Variants in LMO3 observed in about 807,000 individuals in gnomAD.
The protein encoded by LMO3 is LIM domain only 3.
LMO3 carries 2 observed loss-of-function variants against 15.8 expected under a neutral mutation model. That is an observed-to-expected ratio of 0.13 (90% confidence interval 0.05 to 0.40). The LOEUF (loss-of-function observed/expected upper bound fraction) is 0.40. Among genes scored for constraint, LMO3 ranks in the 10% least tolerant of loss-of-function variants. LMO3 has a pLI of 0.99. For synonymous variants in LMO3, 62 were observed against 63.8 expected, an observed-to-expected ratio of 0.97 and a Z score of 0.13; for missense variants, 86 against 182.2, an observed-to-expected ratio of 0.47 and a Z score of 3.04.
chr12:16,560,399 A>C lies in LMO3; in HGVS notation c.332+14T>G. The C allele has an allele frequency of 6.2e-7, 1 of 1,610,098 alleles. No individual in the cohort carries two copies. Among genetic ancestry groups the C allele is most frequent in the Non-Finnish European group, 8.5e-7 (1 of 1,178,522 alleles). Reference sequence around the variant, plus strand: ...GTTAACCATTTCTTAGAGACCAAAAAGAGACCTGCTTACCTCTGATTACAA... The same window carrying C: ...GTTAACCATTTCTTAGAGACCAAAACGAGACCTGCTTACCTCTGATTACAA... On this transcript the variant is annotated intron_variant, in intron 3 of 3. Transcript: ENST00000537304. The surrounding 1 kb of genome is among the most constrained non-coding windows in gnomAD (Gnocchi z 5.0).
chr12:16,551,554 G>T (rs1941989686), intron 3 of LMO3, among the ~76,000 whole-genome samples: 1 of 148,844 alleles, frequency 6.7e-6, no homozygotes, highest in Non-Finnish European at 1.5e-5. Flanking sequence ...AAATTCTAAG[G>T]ATATTGAGAT....
At chr12:16,583,620 T>C (rs895736192) in intron 2 of LMO3, among the ~76,000 whole-genome samples, 3 of 152,212 alleles carry the variant, frequency 2.0e-5, no homozygotes, top group African/African-American at 7.2e-5. Flanking sequence ...TGTAAGAGGC[T>C]GATTTATATC....
intron 3 of LMO3, among the ~76,000 whole-genome samples, chr12:16,558,017 T>C (rs1942257425): frequency 6.6e-6 from 1 of 152,028 alleles, no homozygotes; most frequent in East Asian, 1.9e-4. Context: ...ATAGAAGACA[T>C]ATGTGAAGCT....
intron 2 of LMO3, chr12:16,594,118 T>G: frequency 1.3e-6 from 2 of 1,531,520 alleles, no homozygotes; most frequent in Non-Finnish European, 1.7e-6. Flanking sequence ...GTTTGAATTT[T>G]ACAAGTTTTA....
intron 2 of LMO3, chr12:16,594,059 T>C (rs956781757): frequency 7.6e-7 from 1 of 1,317,496 alleles, no homozygotes; most frequent in Non-Finnish European, 1.0e-6. Context: ...CCTGTAAGAA[T>C]AGATGAGTGC....
intron 2 of LMO3, among the ~76,000 whole-genome samples, chr12:16,579,048 C>A (rs1943081466): frequency 6.6e-6 from 1 of 152,024 alleles, no homozygotes; most frequent in Non-Finnish European, 1.5e-5. Context: ...AATAGGTGAC[C>A]TTTTCCAACC....
In LMO3 at chr12:16,605,436, G is replaced by GCCCCCCCCC. The variant is rs56405071; in HGVS notation, c.-9+621_-9+629dup. The GCCCCCCCCC allele has an allele frequency of 3.7e-4, 139 of 372,654 alleles. 5 individuals are homozygous for GCCCCCCCCC. The highest frequency in any genetic ancestry group is 1.9e-3 in the Admixed American group (15 of 7,784). 23.1% of individuals were successfully genotyped at this position (372,654 alleles called of 1,614,324 possible). A position where few individuals can be genotyped will look rare whatever the true frequency, so the allele number is the denominator to read the frequency against. On this transcript the variant is annotated intron_variant, in intron 1 of 3. Coordinates refer to ENST00000537304, the MANE Select transcript of LMO3 (RefSeq NM_018640.5). Reference sequence around the variant, plus strand: ...TAGCCACTTCTGCCCCTACCCGCCTGCCCCCCCCCCCCGCCCCCATGCCCA... The same window carrying GCCCCCCCCC: ...TAGCCACTTCTGCCCCTACCCGCCTGCCCCCCCCCCCCCCCCCCCCCGCCCCCATGCCCA...
chr12:16,557,215 T>C (rs117043987), intron 3 of LMO3, among the ~76,000 whole-genome samples: 1 of 152,248 alleles, frequency 6.6e-6, no homozygotes, highest in Non-Finnish European at 1.5e-5. Context: ...ATGGATAAAA[T>C]AGGTAACCCT....
intron 2 of LMO3, among the ~76,000 whole-genome samples, chr12:16,578,857 C>A (rs1013713998): frequency 2.1e-5 from 3 of 145,854 alleles, no homozygotes; most frequent in Non-Finnish European, 3.0e-5. Context: ...ACAACAACAA[C>A]AAAACATTAA....
chr12:16,578,678 T>G (rs1258293007), intron 2 of LMO3, among the ~76,000 whole-genome samples: 1 of 151,796 alleles, frequency 6.6e-6, no homozygotes. Flanking sequence ...ATTAGCCAGG[T>G]GTGGTGGTGC....
In LMO3 at chr12:16,560,262, G is replaced by T; in HGVS notation, c.332+151C>A. On this transcript the variant is annotated intron_variant, in intron 3 of 3. Coordinates refer to ENST00000537304, the MANE Select transcript of LMO3 (RefSeq NM_018640.5). The surrounding 1 kb of genome is among the most constrained non-coding windows in gnomAD (Gnocchi z 5.0). ...CTTAAGACCTTTCTTCTCCTTAGTA[G>T]CTTGTCTCTGGCATGGGATTAAAGT... 1 of 735,218 alleles carries T rather than the reference G, an allele frequency of 1.4e-6. No individual in the cohort carries two copies. Among genetic ancestry groups the T allele is most frequent in the Non-Finnish European group, 2.1e-6 (1 of 485,986 alleles). 45.5% of individuals were successfully genotyped at this position (735,218 alleles called of 1,614,324 possible).
chr12:16,548,643 T>A lies in LMO3; in HGVS notation c.*2579A>T, dbSNP rs543188751. ...GCATCAGACAACAAGCTAAATGACG[T>A]TAGGGCTACACAACACAAAGGGGAA... On this transcript the variant is annotated 3_prime_UTR_variant, in exon 4 of 4. Transcript: ENST00000537304. This position sits in a 1 kb window ranked among gnomAD's most constrained non-coding sequence, Gnocchi z 4.2. 1 of 152,108 alleles carries A rather than the reference T, an allele frequency of 6.6e-6. No individual in the cohort carries two copies. The highest frequency in any genetic ancestry group is 2.1e-4 in the South Asian group (1 of 4,818). The allele number at this position is 152,108 out of a possible 1,614,324, so 9.4% of individuals were successfully genotyped here.
intron 2 of LMO3, among the ~76,000 whole-genome samples, chr12:16,572,307 T>G (rs1942839606): frequency 6.6e-6 from 1 of 151,244 alleles, no homozygotes; most frequent in Non-Finnish European, 1.5e-5. Context: ...TTCATAAACA[T>G]TCTCTATGTT....
chr12:16,579,274 GA>G (rs1370259645), intron 2 of LMO3, among the ~76,000 whole-genome samples: 1 of 152,150 alleles, frequency 6.6e-6, no homozygotes, highest in African/African-American at 2.4e-5. Context: ...CCAAGAACAA[GA>G]ATTGTCCAAA....
At chr12:16,580,669 A>C (rs1210956717) in intron 2 of LMO3, among the ~76,000 whole-genome samples, 1 of 152,220 alleles carries the variant, frequency 6.6e-6, no homozygotes, top group Non-Finnish European at 1.5e-5. Context: ...TCTCAATTTG[A>C]TAAAAAATAC....
chr12:16,566,304 A>G (rs180981212), intron 2 of LMO3, among the ~76,000 whole-genome samples: 72 of 151,928 alleles, frequency 4.7e-4, no homozygotes, highest in Non-Finnish European at 9.6e-4. Context: ...AATGACAGTT[A>G]AGAGAAATAA....
In LMO3 at chr12:16,604,682, A is replaced by G. The variant is rs1256921557; in HGVS notation, c.-9+1384T>C. 22 of 654,380 alleles carry G rather than the reference A, an allele frequency of 3.4e-5. No homozygotes were observed. Among genetic ancestry groups the G allele is most frequent in the African/African-American group, 7.2e-5 (4 of 55,214 alleles). 40.5% of individuals were successfully genotyped at this position (654,380 alleles called of 1,614,324 possible). ...CACAGGGATGGTTTGCAAAGAATGT[A>G]GCAGTATTTGTTGCATCTAGCAAGA... On this transcript the variant is annotated intron_variant, in intron 1 of 3. Transcript: ENST00000537304. The surrounding 1 kb of genome is among the most constrained non-coding windows in gnomAD (Gnocchi z 5.3).
At position 16,586,899 on chromosome 12, in the gene LMO3, A is replaced by C. The variant is rs1477402861; in HGVS notation, c.206+13756T>G. Among the ~76,000 whole-genome samples, 1 of 152,200 alleles carries C rather than the reference A, an allele frequency of 6.6e-6. No homozygotes were observed. The highest frequency in any genetic ancestry group is 1.5e-5 in the Non-Finnish European group (1 of 68,032). On this transcript the variant is annotated intron_variant, in intron 2 of 3. Coordinates refer to ENST00000537304, the MANE Select transcript of LMO3 (RefSeq NM_018640.5). This position sits in a 1 kb window ranked among gnomAD's most constrained non-coding sequence, Gnocchi z 4.3. ...AAATTAGACAATACGTCTCATCTAA[A>C]TTCATGGAATTCTCCCCTCTAATAA... is the stretch of plus-strand genomic sequence containing the variant.
At chr12:16,583,096 C>T (rs1591809536) in intron 2 of LMO3, among the ~76,000 whole-genome samples, 1 of 146,880 alleles carries the variant, frequency 6.8e-6, no homozygotes, top group Non-Finnish European at 1.5e-5. Context: ...GCATCCAAGA[C>T]AGTAGAAAGC....
Sources: allele counts gnomAD v4.1 joint callset (sites outside exome capture counted in the v4.1 genomes callset), GRCh38; gene constraint gnomAD v4.1.1; non-coding constraint Gnocchi (gnomAD v3.1); transcripts MANE v1.5; gene names NCBI Gene and HGNC (gene_info 2026-07-23, HGNC 2026-07-21).